The following LIPG variants were observed in gnomAD, a reference collection of about 807,000 sequenced individuals.
LIPG encodes endothelial lipase.
Under a neutral mutation model 51.8 loss-of-function variants are expected in LIPG, and 34 were observed. The ratio of observed to expected loss-of-function variants is 0.66; its 90% confidence interval spans 0.50 to 0.87. LIPG has a LOEUF of 0.87. LIPG is among the 40% of genes least tolerant of loss of function. The pLI, the probability that LIPG is intolerant of heterozygous loss-of-function variation, is 0.00. For synonymous variants in LIPG, 246 were observed against 246.1 expected, an observed-to-expected ratio of 1.00 and a Z score of 0.00; for missense variants, 580 against 652.7, an observed-to-expected ratio of 0.89 and a Z score of 1.21.
At position 49,586,816 on chromosome 18, in the gene LIPG, T is replaced by G; in HGVS notation, c.1447T>G (p.Cys483Gly). 6.2e-7 allele frequency: 1 copy of G among 1,614,068 alleles called. No individual in the cohort carries two copies. The highest frequency in any genetic ancestry group is 1.6e-4 in the Middle Eastern group (1 of 6,062). Residue 483 changes from cysteine to glycine, a missense_variant, in exon 9 of 10, where the codon TGT (cysteine) becomes GGT (glycine). Cys to Gly is a radical substitution (Grantham distance 159). Transcript: ENST00000261292. Reference protein sequence around the residue: ...SPGRELWFRKCRDGWRMKNET... With the variant: ...SPGRELWFRKGRDGWRMKNET... ...AGGCCGGGAGCTCTGGTTTCGCAAG[T>G]GTCGGGATGGCTGGAGGATGAAAAA...
chr18:49,567,077 C>T (rs1479224670), intron 2 of LIPG, among the ~76,000 whole-genome samples: 1 of 152,208 alleles, frequency 6.6e-6, no homozygotes, highest in African/African-American at 2.4e-5. Flanking sequence ...TGGCTCACGC[C>T]TATAATCCCA....
chr18:49,590,254 C>A, intron 9 of LIPG: 2 of 604,148 alleles, frequency 3.3e-6, no homozygotes, highest in Non-Finnish European at 3.0e-6. Context: ...GTGATGTACT[C>A]AACTCAGGGT....
intron 1 of LIPG, 137 bp from the exon 2 acceptor site, chr18:49,565,180 A>T: frequency 1.3e-6 from 1 of 755,780 alleles, no homozygotes. Context: ...GGAGGTGAAA[A>T]GGGAACATTC....
At position 49,579,763 on chromosome 18, in the gene LIPG, CCTTTCTTTT is replaced by C. The variant is rs1568533447; in HGVS notation, c.794-1647_794-1639del. ...GCCTTTCTTTCCTTTCCTTTCCTTT[CCTTTCTTTT>C]CTTTTCTTTTCTTTTCTTTTCTTTT... is the stretch of plus-strand genomic sequence containing the variant. On this transcript the variant is annotated intron_variant, in intron 5 of 9. Transcript: ENST00000261292. Among the ~76,000 whole-genome samples, 4 of 130,344 alleles carry C rather than the reference CCTTTCTTTT, an allele frequency of 3.1e-5. 1 individual carries two copies. The highest frequency in any genetic ancestry group is 1.1e-4 in the African/African-American group (3 of 26,574). 85.5% of individuals were successfully genotyped at this position (130,344 alleles called of 152,430 possible). A position where few individuals can be genotyped will look rare whatever the true frequency, so the allele number is the denominator to read the frequency against.
At chr18:49,563,623 G>A (rs577518730) in intron 1 of LIPG, among the ~76,000 whole-genome samples, 2 of 151,672 alleles carry the variant, frequency 1.3e-5, no homozygotes, top group African/African-American at 4.8e-5. Context: ...GAGGAAGGTG[G>A]GGCATGTTGG....
rs185114257 is a variant in LIPG at position 49,587,563 on chromosome 18, C to T, written c.1481+713C>T. ...CAGCCTGGGTGACAGAGTGAGACTC[C>T]GTCTCAAAAAAAAAAAAAAAAAAAA... On this transcript the variant is annotated intron_variant, in intron 9 of 9. Transcript: ENST00000261292. 5.5e-3 allele frequency among the ~76,000 whole-genome samples: 493 copies of T among 89,942 alleles called. 3 individuals carry two copies. Among genetic ancestry groups the T allele is most frequent in the African/African-American group, 0.026 (465 of 17,726 alleles). The allele number at this position is 89,942 out of a possible 152,430, so 59.0% of individuals were successfully genotyped here. A position where few individuals can be genotyped will look rare whatever the true frequency, so the allele number is the denominator to read the frequency against.
Position 49,590,778 on chromosome 18 carries a change from G to A in LIPG, c.*256G>A. On this transcript the variant is annotated 3_prime_UTR_variant, in exon 10 of 10. Transcript: ENST00000261292. ...CCACACCTCCAGAGCACCAAGTCCA[G>A]ATTTGTGTGTAAGCAGCTGGGTGCC... 3.5e-6 allele frequency: 2 copies of A among 578,100 alleles called. No homozygotes were observed. The highest frequency in any genetic ancestry group is 6.2e-6 in the Non-Finnish European group (2 of 323,068). 35.8% of individuals were successfully genotyped at this position (578,100 alleles called of 1,614,324 possible). A position where few individuals can be genotyped will look rare whatever the true frequency, so the allele number is the denominator to read the frequency against.
At chr18:49,576,229 C>T (rs2084714412) in intron 5 of LIPG, among the ~76,000 whole-genome samples, 1 of 152,070 alleles carries the variant, frequency 6.6e-6, no homozygotes, top group African/African-American at 2.4e-5. Context: ...AGTGCGCTCC[C>T]ACTCCCACCC....
Position 49,562,108 on chromosome 18 carries a change from T to C in LIPG, c.-201T>C. 10 of 1,453,110 alleles carry C rather than the reference T, an allele frequency of 6.9e-6. No homozygotes were observed. The highest frequency in any genetic ancestry group is 4.9e-5 in the East Asian group (2 of 40,414). 90.0% of individuals were successfully genotyped at this position (1,453,110 alleles called of 1,614,324 possible). The stretch of plus-strand genomic sequence containing the variant: ...CTCAGGACGAGGGCAGATCTCGTTC[T>C]GGGGCAAGCCGTTGACACTCGCTCC... On this transcript the variant is annotated 5_prime_UTR_variant, in exon 1 of 10. Coordinates refer to ENST00000261292, the MANE Select transcript of LIPG (RefSeq NM_006033.4).
chr18:49,586,995 G>C (rs757154532), intron 9 of LIPG, 145 bp downstream of exon 9: 3 of 667,666 alleles, frequency 4.5e-6, no homozygotes, highest in Admixed American at 2.1e-5. Context: ...TGGGCCGGGC[G>C]TGGTGGCTCA....
chr18:49,578,298 T>A (rs1171619455), intron 5 of LIPG, among the ~76,000 whole-genome samples: 2 of 139,314 alleles, frequency 1.4e-5, no homozygotes, highest in East Asian at 2.2e-4. Flanking sequence ...GTCTCCTCAC[T>A]TCTCAGACGG....
At position 49,592,719 on chromosome 18, in the gene LIPG, A is replaced by G. The variant is rs1475888731; in HGVS notation, c.*2197A>G. The G allele has an allele frequency of 6.6e-6, 1 of 152,214 alleles. No homozygotes were observed. The highest frequency in any genetic ancestry group is 2.4e-5 in the African/African-American group (1 of 41,440). 9.4% of individuals were successfully genotyped at this position (152,214 alleles called of 1,614,324 possible). A position where few individuals can be genotyped will look rare whatever the true frequency, so the allele number is the denominator to read the frequency against. On this transcript the variant is annotated 3_prime_UTR_variant, in exon 10 of 10. Coordinates refer to ENST00000261292, the MANE Select transcript of LIPG (RefSeq NM_006033.4). Reference sequence around the variant, plus strand: ...AAATTGAATTCTCAGTGAGTTGTATATTTATACACCTGGCTTGAAGCCTTA... The same window carrying G: ...AAATTGAATTCTCAGTGAGTTGTATGTTTATACACCTGGCTTGAAGCCTTA...
At chr18:49,567,226 C>T (rs755952891) in intron 2 of LIPG, among the ~76,000 whole-genome samples, 76 of 151,900 alleles carry the variant, frequency 5.0e-4, no homozygotes, top group Non-Finnish European at 1.0e-3. Flanking sequence ...AACCCAGTCA[C>T]TCTGGAGGCT....
chr18:49,565,498 G>A lies in LIPG; in HGVS notation c.279G>A (p.Thr93=), dbSNP rs762594079. The A allele has an allele frequency of 9.3e-6, 15 of 1,614,020 alleles. No homozygotes were observed. Among genetic ancestry groups the A allele is most frequent in the East Asian group, 4.5e-5 (2 of 44,904 alleles). The stretch of plus-strand genomic sequence containing the variant: ...CCTTTTTCATCATTCACGGATGGAC[G>A]GTGAGCCCGGGGAGGGAGCTCTGCG... ...AKTFFIIHGW[T]MSGIFENWLH... The change falls in exon 2 of 10, where the codon ACG becomes ACA. Residue 93 remains threonine (T), a splice_region_variant and synonymous_variant. Coordinates refer to ENST00000261292, the MANE Select transcript of LIPG (RefSeq NM_006033.4).
Position 49,597,191 on chromosome 18 carries a change from C to A in LIPG, c.*6669C>A, listed in dbSNP as rs2084986980. ...GAGAAACAGTGGAGCAGGGCAGCCA[C>A]CTTACACATAGGCTAGATCTGCTTG... On this transcript the variant is annotated 3_prime_UTR_variant, in exon 10 of 10. Transcript: ENST00000261292. 6.6e-6 allele frequency: 1 copy of A among 152,200 alleles called. No individual in the cohort carries two copies. Among genetic ancestry groups the A allele is most frequent in the Non-Finnish European group, 1.5e-5 (1 of 68,034 alleles). 9.4% of individuals were successfully genotyped at this position (152,200 alleles called of 1,614,324 possible).
intron 7 of LIPG, among the ~76,000 whole-genome samples, 153 bp downstream of exon 7, chr18:49,582,635 A>G (rs1377559191): frequency 1.3e-5 from 2 of 152,222 alleles, no homozygotes; most frequent in African/African-American, 4.8e-5. Context: ...TGGCCTCTGC[A>G]GTCCTCTCTC....
chr18:49,582,146 C>T (rs2084826913), intron 6 of LIPG, among the ~76,000 whole-genome samples: 2 of 152,108 alleles, frequency 1.3e-5, no homozygotes, highest in South Asian at 4.1e-4. Flanking sequence ...AAGTGAAAAT[C>T]CTCAAAAGAT....
At chr18:49,577,718 G>A (rs1457918762) in intron 5 of LIPG, among the ~76,000 whole-genome samples, 6 of 82,750 alleles carry the variant, frequency 7.3e-5, no homozygotes, top group African/African-American at 4.1e-4. Flanking sequence ...CCTCCCTCCC[G>A]GATGGCACGG....
intron 5 of LIPG, among the ~76,000 whole-genome samples, chr18:49,577,248 G>T: frequency 7.3e-6 from 1 of 136,148 alleles, no homozygotes; most frequent in East Asian, 2.0e-4. Flanking sequence ...TCAAGCATCT[G>T]TTTAACAAAG....
Sources: allele counts gnomAD v4.1 joint callset (sites outside exome capture counted in the v4.1 genomes callset), GRCh38; gene constraint gnomAD v4.1.1; transcripts MANE v1.5; gene names NCBI Gene and HGNC (gene_info 2026-07-23, HGNC 2026-07-21).